CELF4: variants seen among roughly 807,000 people sequenced by gnomAD.
CELF4 encodes CUGBP Elav-like family member 4, also known as CUG-BP- and ETR-3-like factor 4.
A neutral mutation model predicts 59.9 loss-of-function variants in CELF4; 18 were observed. The ratio of observed to expected loss-of-function variants is 0.30; its 90% CI spans 0.21 to 0.45. The LOEUF is 0.45. Among genes scored for constraint, CELF4 ranks in the 20% least tolerant of loss-of-function variants. The pLI, the probability that CELF4 is intolerant of heterozygous loss-of-function variation, is 1.00. For synonymous variants in CELF4, 261 were observed against 267.1 expected (o/e 0.98, Z 0.22); for missense variants, 456 against 689.0 (o/e 0.66, Z 3.79).
At chr18:37,440,604 C>T (rs533748381) in intron 2 of CELF4, among the ~76,000 whole-genome samples, 9 of 152,232 alleles carry the variant, frequency 5.9e-5, no homozygotes, top group Non-Finnish European at 1.0e-4. Flanking sequence ...AGGTGGGGCC[C>T]ACAGGGAATA....
At chr18:37,365,296 G>C (rs775891168) in intron 2 of CELF4, among the ~76,000 whole-genome samples, 1 of 152,106 alleles carries the variant, frequency 6.6e-6, no homozygotes, top group South Asian at 2.1e-4. Context: ...ATGGAGAGTT[G>C]ATTGAGCCCT....
At chr18:37,488,844 A>C (rs1320707770) in intron 1 of CELF4, among the ~76,000 whole-genome samples, 3 of 152,150 alleles carry the variant, frequency 2.0e-5, no homozygotes, top group Non-Finnish European at 4.4e-5. Context: ...AGGAATGGAG[A>C]TGAAAGAAGG....
intron 2 of CELF4, among the ~76,000 whole-genome samples, chr18:37,451,218 C>T (rs1186184442): frequency 1.3e-5 from 2 of 152,166 alleles, no homozygotes; most frequent in Non-Finnish European, 2.9e-5. Context: ...CTGAGGAAAT[C>T]CCAATGGGGA....
chr18:37,521,711 AC>A (rs1394955580), intron 1 of CELF4, among the ~76,000 whole-genome samples: 1 of 152,188 alleles, frequency 6.6e-6, no homozygotes, highest in African/African-American at 2.4e-5. Context: ...GATCAGAGCA[AC>A]CGTCTGGGCT....
chr18:37,488,266 C>T (rs1436737713), intron 1 of CELF4, among the ~76,000 whole-genome samples: 1 of 152,174 alleles, frequency 6.6e-6, no homozygotes, highest in East Asian at 1.9e-4. Flanking sequence ...TGTTTGGCAC[C>T]CATCACTCCC....
chr18:37,321,761 T>G (rs1569562112), intron 3 of CELF4, 42 bp downstream of exon 3: 159 of 1,343,890 alleles, frequency 1.2e-4, no homozygotes, highest in East Asian at 5.0e-4. Context: ...GAGGGAGGAG[T>G]GAGAGGGGGA....
intron 1 of CELF4, among the ~76,000 whole-genome samples, chr18:37,560,701 G>A (rs2099986274): frequency 6.6e-6 from 1 of 152,088 alleles, no homozygotes; most frequent in South Asian, 2.1e-4. Flanking sequence ...TTGAGCTCAT[G>A]CCCATGCTAA....
chr18:37,482,777 C>T (rs922586326), intron 2 of CELF4, among the ~76,000 whole-genome samples: 18 of 152,150 alleles, frequency 1.2e-4, no homozygotes, highest in Non-Finnish European at 1.9e-4. Context: ...GATTATTTTT[C>T]TTGCTGGCAA....
At chr18:37,321,341 A>T (rs886738045) in intron 3 of CELF4, among the ~76,000 whole-genome samples, 2 of 152,030 alleles carry the variant, frequency 1.3e-5, no homozygotes, top group Non-Finnish European at 2.9e-5. Context: ...TATCTCCAGG[A>T]TCTCTGCCTC....
intron 1 of CELF4, among the ~76,000 whole-genome samples, chr18:37,532,369 G>C (rs1234976091): frequency 1.3e-5 from 2 of 152,186 alleles, no homozygotes; most frequent in Non-Finnish European, 2.9e-5. Flanking sequence ...TTGGAGGGCA[G>C]GGACTGCATC....
At chr18:37,530,877 G>A (rs889963409) in intron 1 of CELF4, among the ~76,000 whole-genome samples, 7 of 151,150 alleles carry the variant, frequency 4.6e-5, no homozygotes, top group African/African-American at 1.7e-4. Context: ...GAGAGAGAAA[G>A]GAAGGAAAAA....
At chr18:37,491,923 G>A (rs920875565) in intron 1 of CELF4, among the ~76,000 whole-genome samples, 1 of 152,174 alleles carries the variant, frequency 6.6e-6, no homozygotes, top group Admixed American at 6.5e-5. Flanking sequence ...GGGATAAAAG[G>A]CCCTTGTCAT....
intron 1 of CELF4, among the ~76,000 whole-genome samples, chr18:37,530,992 T>G: frequency 1.4e-5 from 2 of 138,360 alleles, no homozygotes; most frequent in African/African-American, 2.8e-5. Flanking sequence ...GTAGCACAGG[T>G]GAGGGAGGGG....
intron 1 of CELF4, among the ~76,000 whole-genome samples, chr18:37,514,165 C>A (rs1044429046): frequency 6.6e-6 from 1 of 152,122 alleles, no homozygotes; most frequent in Admixed American, 6.6e-5. Context: ...CCTGACCCAT[C>A]TCAAACAACT....
intron 3 of CELF4, chr18:37,305,618 C>T (rs2096348151): frequency 6.6e-6 from 1 of 152,314 alleles, no homozygotes; most frequent in African/African-American, 2.4e-5. Flanking sequence ...GTCAGATGGC[C>T]TGAGAATCAG....
intron 2 of CELF4, among the ~76,000 whole-genome samples, chr18:37,322,749 C>T (rs1216300056): frequency 2.0e-5 from 3 of 152,240 alleles, no homozygotes; most frequent in Admixed American, 6.5e-5. Flanking sequence ...ATCACGCCAG[C>T]GGATTCTGAC....
intron 2 of CELF4, among the ~76,000 whole-genome samples, chr18:37,411,496 C>T (rs1362495622): frequency 6.6e-6 from 1 of 152,158 alleles, no homozygotes; most frequent in Admixed American, 6.5e-5. Flanking sequence ...CTGGCTTTGA[C>T]CAAACCATCT....
At chr18:37,255,200 CAG>C (rs1028130527) in intron 11 of CELF4, among the ~76,000 whole-genome samples, 5 of 152,056 alleles carry the variant, frequency 3.3e-5, no homozygotes, top group African/African-American at 1.2e-4. Flanking sequence ...AGGTATAAGA[CAG>C]AGATGCACAG....
At chr18:37,483,959 T>A (rs1289326121) in intron 2 of CELF4, among the ~76,000 whole-genome samples, 1 of 152,196 alleles carries the variant, frequency 6.6e-6, no homozygotes, top group Admixed American at 6.5e-5. Flanking sequence ...TGTTAGATCC[T>A]CAACAATCCA....
Sources: allele counts gnomAD v4.1 joint callset (sites outside exome capture counted in the v4.1 genomes callset), GRCh38; gene constraint gnomAD v4.1.1; transcripts MANE v1.5; gene names NCBI Gene and HGNC (gene_info 2026-07-23, HGNC 2026-07-21).